Variants in KIAA0753 observed in about 807,000 individuals in gnomAD.
KIAA0753 encodes protein moonraker.
KIAA0753 carries 114 observed loss-of-function variants against 116.9 expected under a neutral mutation model. That is an observed-to-expected ratio of 0.98 (90% CI 0.84 to 1.14). The LOEUF (loss-of-function observed/expected upper bound fraction) is 1.14, where lower values mean the gene tolerates loss of function less well. KIAA0753 is among the 50% of genes most tolerant of loss of function. The probability of loss-of-function intolerance (pLI) is 0.00; values close to 1 mark genes in which losing one functional copy is unlikely to be tolerated. For missense variants in KIAA0753, 1,156 were observed against 1,172.4 expected (o/e 0.99, Z 0.20); for synonymous variants, 405 against 413.1 (o/e 0.98, Z 0.24).
At position 6,610,170 on chromosome 17, in the gene KIAA0753, A is replaced by T. The variant is rs766167910; in HGVS notation, c.1546-10T>A. ...CAGCTTTGCGGAGTCCCTGTGAGAGATAAGTAAGAATTATAAGGCCACACA... is the reference window on the plus strand; with the variant it reads ...CAGCTTTGCGGAGTCCCTGTGAGAGTTAAGTAAGAATTATAAGGCCACACA... On this transcript the variant is annotated splice_polypyrimidine_tract_variant and intron_variant, in intron 8 of 18. Transcript: ENST00000361413. 2.5e-6 allele frequency: 4 copies of T among 1,613,476 alleles called. No individual in the cohort carries two copies. The highest frequency in any genetic ancestry group is 2.5e-6 in the Non-Finnish European group (3 of 1,179,608).
At chr17:6,620,743 T>A in intron 7 of KIAA0753, 45 bp downstream of exon 7, 1 of 1,579,678 alleles carries the variant, frequency 6.3e-7, no homozygotes, top group Non-Finnish European at 8.7e-7. Flanking sequence ...CCCAGATAAT[T>A]GTAATGAATA....
chr17:6,607,315 G>A, intron 10 of KIAA0753, 45 bp from the exon 11 acceptor site: 1 of 1,476,384 alleles, frequency 6.8e-7, no homozygotes, highest in Non-Finnish European at 9.5e-7. Context: ...CCTCGACACT[G>A]CAGGGTGTCA....
chr17:6,610,211 A>T, intron 8 of KIAA0753, 51 bp from the exon 9 acceptor site: 1 of 1,580,974 alleles, frequency 6.3e-7, no homozygotes, highest in Non-Finnish European at 8.7e-7. Flanking sequence ...CAAAGAAACT[A>T]TGGTTTAACC....
rs369062086 is a variant in KIAA0753 at position 6,622,938 on chromosome 17, G to A, written c.1048C>T (p.Leu350=). ...TCAGGAACAGAAGGGTCTGCATCCAGCTTGACAGAACAAAGTGAAAGCTGG... is the reference window on the plus strand; with the variant it reads ...TCAGGAACAGAAGGGTCTGCATCCAACTTGACAGAACAAAGTGAAAGCTGG... ...IRQLSLCSVK[L]DADPSVPDVV... is the part of the protein sequence containing the mutation. Residue 350 remains leucine (L), a synonymous_variant, in exon 6 of 19, where the codon CTG becomes TTG. Coordinates refer to ENST00000361413, the MANE Select transcript of KIAA0753 (RefSeq NM_014804.3). 17 of 1,614,130 alleles carry A rather than the reference G, an allele frequency of 1.1e-5. No individual in the cohort carries two copies. Among genetic ancestry groups the A allele is most frequent in the Non-Finnish European group, 1.4e-5 (17 of 1,180,004 alleles).
intron 7 of KIAA0753, among the ~76,000 whole-genome samples, chr17:6,619,348 A>T (rs941426141): frequency 6.6e-5 from 10 of 152,144 alleles, no homozygotes; most frequent in Admixed American, 2.0e-4. Context: ...CCTGGATAGT[A>T]GTTATACAGA....
At chr17:6,605,043 T>G (rs1970103914) in intron 12 of KIAA0753, among the ~76,000 whole-genome samples, 1 of 131,322 alleles carries the variant, frequency 7.6e-6, no homozygotes, top group Non-Finnish European at 1.6e-5. Flanking sequence ...AGCCCAGGAG[T>G]CCAAGACCAG....
intron 10 of KIAA0753, among the ~76,000 whole-genome samples, chr17:6,608,131 G>C (rs1356358823): frequency 6.6e-6 from 1 of 152,126 alleles, no homozygotes; most frequent in Non-Finnish European, 1.5e-5. Flanking sequence ...TATAATTTAT[G>C]AATGAATAAG....
chr17:6,584,172 C>G (rs1256843567), intron 18 of KIAA0753, among the ~76,000 whole-genome samples: 1 of 152,226 alleles, frequency 6.6e-6, no homozygotes, highest in Non-Finnish European at 1.5e-5. Flanking sequence ...AGCCTCTGTC[C>G]TCTGTTCTGA....
chr17:6,578,565 C>T lies in KIAA0753; in HGVS notation c.*1182G>A, dbSNP rs541453566. The T allele has an allele frequency of 2.0e-5, 3 of 152,206 alleles. No individual in the cohort carries two copies. Among genetic ancestry groups the T allele is most frequent in the African/African-American group, 7.2e-5 (3 of 41,440 alleles). The allele number at this position is 152,206 out of a possible 1,614,324, so 9.4% of individuals were successfully genotyped here. A position where few individuals can be genotyped will look rare whatever the true frequency, so the allele number is the denominator to read the frequency against. On this transcript the variant is annotated 3_prime_UTR_variant, in exon 19 of 19. Transcript: ENST00000361413. Reference sequence around the variant, plus strand: ...TGCACAAATAAGTGTGATCAAGCAGCTTAAATCACCTGAAATTCTTGTACT... The same window carrying T: ...TGCACAAATAAGTGTGATCAAGCAGTTTAAATCACCTGAAATTCTTGTACT...
Position 6,590,491 on chromosome 17 carries a change from A to G in KIAA0753, c.2561+19T>C. ...GGTGACTGACTAGAATGAAATCAGA[A>G]AGTGTCTTTGCCACTTACTTGCCAT... is the stretch of plus-strand genomic sequence containing the variant. On this transcript the variant is annotated intron_variant, in intron 17 of 18. Coordinates refer to ENST00000361413, the MANE Select transcript of KIAA0753 (RefSeq NM_014804.3). 1.9e-6 allele frequency: 3 copies of G among 1,613,354 alleles called. No individual in the cohort carries two copies. Among genetic ancestry groups the G allele is most frequent in the Non-Finnish European group, 2.5e-6 (3 of 1,179,452 alleles).
At chr17:6,592,257 G>C (rs918836044) in intron 16 of KIAA0753, among the ~76,000 whole-genome samples, 1 of 152,204 alleles carries the variant, frequency 6.6e-6, no homozygotes. Context: ...AAATTTGAGA[G>C]GGGGAGTACT....
intron 13 of KIAA0753, among the ~76,000 whole-genome samples, chr17:6,599,919 G>A (rs1969743451): frequency 6.6e-6 from 1 of 152,106 alleles, no homozygotes; most frequent in South Asian, 2.1e-4. Flanking sequence ...CTGCTTATGG[G>A]AGGATGGCAC....
chr17:6,578,738 A>G lies in KIAA0753; in HGVS notation c.*1009T>C, dbSNP rs1967934264. ...GAAAGTCTTTCCAGGCAGTGGCCTGATTCTTACGCACATTCCGTTTCTTTT... is the reference window on the plus strand; with the variant it reads ...GAAAGTCTTTCCAGGCAGTGGCCTGGTTCTTACGCACATTCCGTTTCTTTT... On this transcript the variant is annotated 3_prime_UTR_variant, in exon 19 of 19. Coordinates refer to ENST00000361413, the MANE Select transcript of KIAA0753 (RefSeq NM_014804.3). 6.6e-6 allele frequency: 1 copy of G among 152,244 alleles called. No individual in the cohort carries two copies. Among genetic ancestry groups the G allele is most frequent in the South Asian group, 2.1e-4 (1 of 4,836 alleles). The allele number at this position is 152,244 out of a possible 1,614,324, so 9.4% of individuals were successfully genotyped here. A position where few individuals can be genotyped will look rare whatever the true frequency, so the allele number is the denominator to read the frequency against.
chr17:6,614,827 C>A (rs1435970667), intron 7 of KIAA0753, among the ~76,000 whole-genome samples: 1 of 152,226 alleles, frequency 6.6e-6, no homozygotes, highest in Non-Finnish European at 1.5e-5. Flanking sequence ...GAGACGGAGT[C>A]TTGCTCTGTT....
chr17:6,632,585 C>T (rs1239728097), intron 2 of KIAA0753, among the ~76,000 whole-genome samples: 1 of 152,162 alleles, frequency 6.6e-6, no homozygotes, highest in Non-Finnish European at 1.5e-5. Flanking sequence ...AAGACATTAA[C>T]ATAGTCTCCA....
rs1250753852 is a variant in KIAA0753, at chr17:6,589,772, T to C, written c.2786+7A>G. 6.3e-6 allele frequency: 10 copies of C among 1,590,404 alleles called. No homozygotes were observed. The highest frequency in any genetic ancestry group is 8.5e-6 in the Non-Finnish European group (10 of 1,172,960). ...TCCTAAACAGAGGACCGTAACATTTTACTGACCTTTCAGCTATCAGCCACG... is the reference window on the plus strand; with the variant it reads ...TCCTAAACAGAGGACCGTAACATTTCACTGACCTTTCAGCTATCAGCCACG... On this transcript the variant is annotated splice_region_variant and intron_variant, in intron 18 of 18. Transcript: ENST00000361413.
intron 18 of KIAA0753, 126 bp from the exon 19 acceptor site, chr17:6,579,990 C>G: frequency 1.5e-6 from 1 of 650,128 alleles, no homozygotes. Flanking sequence ...TGAGACCAGC[C>G]TGGCCAACAT....
chr17:6,609,826 T>TTCCA (rs1970415481), intron 9 of KIAA0753, among the ~76,000 whole-genome samples, 168 bp downstream of exon 9: 2 of 152,214 alleles, frequency 1.3e-5, no homozygotes, highest in South Asian at 4.2e-4. Flanking sequence ...ACCAACAAGC[T>TTCCA]TCCAGACAAA....
At position 6,628,688 on chromosome 17, in the gene KIAA0753, G is replaced by C. The variant is rs751060102; in HGVS notation, c.147C>G (p.Ile49Met). 1.2e-6 allele frequency: 2 copies of C among 1,613,474 alleles called. No individual in the cohort carries two copies. The highest frequency in any genetic ancestry group is 1.3e-5 in the African/African-American group (1 of 74,900). The change falls in exon 3 of 19, where the codon ATC becomes ATG. Residue 49 changes from isoleucine to methionine, a missense_variant. By Grantham distance (10) the Ile-to-Met change is conservative. Coordinates refer to ENST00000361413, the MANE Select transcript of KIAA0753 (RefSeq NM_014804.3). ...NVPTHSSNLA[I>M]RYSCPHAIRI... ...TAATGGCATGTGGGCAAGAATATCG[G>C]ATCGCCAAGTTGCTTGAATGTGTAG...
Sources: allele counts gnomAD v4.1 joint callset (sites outside exome capture counted in the v4.1 genomes callset), GRCh38; gene constraint gnomAD v4.1.1; transcripts MANE v1.5; gene names NCBI Gene and HGNC (gene_info 2026-07-23, HGNC 2026-07-21).